Variants in DCDC1 observed in about 807,000 individuals in gnomAD.
The protein encoded by DCDC1 is doublecortin domain containing 1.
DCDC1 carries 200 observed loss-of-function variants against 178.3 expected under a neutral mutation model. That is an observed-to-expected ratio of 1.12 (90% CI 1.00 to 1.26). The LOEUF is 1.26. Among genes scored for constraint, DCDC1 ranks in the 50% most tolerant of loss-of-function variants. The pLI is 0.00. For synonymous variants in DCDC1, 690 were observed against 604.8 expected (o/e 1.14, Z -2.07); for missense variants, 1,983 against 1,749.2 (o/e 1.13, Z -2.38).
At chr11:31,200,948 A>G (rs556961099) in intron 9 of DCDC1, among the ~76,000 whole-genome samples, 12 of 149,030 alleles carry the variant, frequency 8.1e-5, no homozygotes, top group African/African-American at 2.8e-4. Context: ...TCTTAGGAGA[A>G]AAAAAAAAAC....
At chr11:31,214,511 G>C (rs557442097) in intron 9 of DCDC1, among the ~76,000 whole-genome samples, 45 of 152,182 alleles carry the variant, frequency 3.0e-4, no homozygotes, top group African/African-American at 9.2e-4. Flanking sequence ...AAAATCCTCA[G>C]TGTGGTAGGG....
chr11:31,166,946 A>T (rs1183191351), intron 9 of DCDC1, among the ~76,000 whole-genome samples: 1 of 152,016 alleles, frequency 6.6e-6, no homozygotes, highest in Admixed American at 6.6e-5. Flanking sequence ...AGAGACTTCA[A>T]CTCTGATATC....
At chr11:31,241,218 T>C (rs754257051) in intron 9 of DCDC1, among the ~76,000 whole-genome samples, 1 of 151,980 alleles carries the variant, frequency 6.6e-6, no homozygotes, top group Non-Finnish European at 1.5e-5. Context: ...CAGTATGCGC[T>C]GCAAGAAAAG....
intron 9 of DCDC1, among the ~76,000 whole-genome samples, chr11:31,140,381 T>C (rs554968179): frequency 4.6e-5 from 7 of 152,158 alleles, no homozygotes; most frequent in Non-Finnish European, 8.8e-5. Flanking sequence ...ATCAAGTCAC[T>C]TGGTTCTAAA....
rs1227576715 is a variant in DCDC1, at chr11:30,865,267, G to A, written c.*106C>T. 6.6e-6 allele frequency: 1 copy of A among 152,096 alleles called. No homozygotes were observed. Among genetic ancestry groups the A allele is most frequent in the Admixed American group, 6.6e-5 (1 of 15,256 alleles). 9.4% of individuals were successfully genotyped at this position (152,096 alleles called of 1,614,324 possible). On this transcript the variant is annotated 3_prime_UTR_variant, in exon 39 of 39. Coordinates refer to ENST00000684477, the MANE Select transcript of DCDC1 (RefSeq NM_001387274.1). Reference sequence around the variant, plus strand: ...ATTTGCCAAATTTAGAGTCTTCAGCGATGGAAATAATTGGCCTTCTTGTCA... The same window carrying A: ...ATTTGCCAAATTTAGAGTCTTCAGCAATGGAAATAATTGGCCTTCTTGTCA...
chr11:30,865,567 A>G (rs181006011), intron 38 of DCDC1, among the ~76,000 whole-genome samples: 8 of 152,280 alleles, frequency 5.3e-5, no homozygotes, highest in Non-Finnish European at 8.8e-5. Context: ...TAGCTCTGTG[A>G]TAAAATTTTA....
intron 11 of DCDC1, among the ~76,000 whole-genome samples, chr11:31,121,159 A>G (rs1960739654): frequency 6.6e-6 from 1 of 152,094 alleles, no homozygotes; most frequent in African/African-American, 2.4e-5. Flanking sequence ...GAAATTTTCA[A>G]CTTACAAGGT....
At chr11:31,195,008 G>C (rs1026233331) in intron 9 of DCDC1, among the ~76,000 whole-genome samples, 1 of 152,024 alleles carries the variant, frequency 6.6e-6, no homozygotes, top group Non-Finnish European at 1.5e-5. Flanking sequence ...TTACCATACT[G>C]TGCACTTTGA....
At chr11:30,892,497 A>G (rs1943874412) in intron 36 of DCDC1, among the ~76,000 whole-genome samples, 1 of 152,120 alleles carries the variant, frequency 6.6e-6, no homozygotes. Flanking sequence ...TGTAATAATA[A>G]TAAGATAAAA....
intron 1 of DCDC1, among the ~76,000 whole-genome samples, chr11:31,344,211 T>A (rs563603533): frequency 6.6e-6 from 1 of 152,340 alleles, no homozygotes; most frequent in East Asian, 1.9e-4. Flanking sequence ...GTGTTAATTT[T>A]AATTTGACTG....
intron 20 of DCDC1, among the ~76,000 whole-genome samples, chr11:31,011,638 A>G (rs1409279376): frequency 6.6e-6 from 1 of 152,214 alleles, no homozygotes; most frequent in Non-Finnish European, 1.5e-5. Flanking sequence ...ACGCTATAGT[A>G]GAACCACTTT....
rs35354864 is a variant in DCDC1, at chr11:30,973,273, CAAAAA to C, written c.2592-20710_2592-20706del. ...TGGGTGACAGAGTGAGACTCCATCTCAAAAAAAAAAAAAAAAATGTAGCATCTCCC... is the reference window on the plus strand; with the variant it reads ...TGGGTGACAGAGTGAGACTCCATCTCAAAAAAAAAAAATGTAGCATCTCCC... On this transcript the variant is annotated intron_variant, in intron 20 of 38. Coordinates refer to ENST00000684477, the MANE Select transcript of DCDC1 (RefSeq NM_001387274.1). 3.5e-5 allele frequency among the ~76,000 whole-genome samples: 4 copies of C among 113,806 alleles called. No individual in the cohort carries two copies. In the South Asian group the frequency reaches 9.4e-4, roughly 27 times the overall value. 74.7% of individuals were successfully genotyped at this position (113,806 alleles called of 152,430 possible).
chr11:31,025,673 G>T (rs1953180010), intron 20 of DCDC1, among the ~76,000 whole-genome samples: 1 of 151,930 alleles, frequency 6.6e-6, no homozygotes, highest in South Asian at 2.1e-4. Flanking sequence ...ACCTGCTTGA[G>T]TAAGTTGCTT....
intron 20 of DCDC1, among the ~76,000 whole-genome samples, chr11:31,010,428 G>T (rs1952103988): frequency 6.6e-6 from 1 of 152,226 alleles, no homozygotes; most frequent in Non-Finnish European, 1.5e-5. Flanking sequence ...CCTCTCCGCA[G>T]GCAGTTCACA....
intron 36 of DCDC1, among the ~76,000 whole-genome samples, chr11:30,886,402 C>T (rs1943173909): frequency 6.6e-6 from 1 of 152,102 alleles, no homozygotes; most frequent in Non-Finnish European, 1.5e-5. Context: ...CTTTGGTCTG[C>T]TCAGGCTGCC....
intron 7 of DCDC1, among the ~76,000 whole-genome samples, chr11:31,265,955 TGGTAGACCTTTAGAACTCTGAG>T (rs1945133616): frequency 6.7e-6 from 1 of 150,334 alleles, no homozygotes; most frequent in African/African-American, 2.4e-5. Context: ...ATTTAATAAA[TGGTAGACCTTTAGAACTCTGAG>T]GGATTTTTAT....
At chr11:30,880,170 A>G (rs781731712) in intron 37 of DCDC1, among the ~76,000 whole-genome samples, 1 of 152,154 alleles carries the variant, frequency 6.6e-6, no homozygotes, top group Non-Finnish European at 1.5e-5. Context: ...CTAAGTACCC[A>G]TGTAGTGAGG....
At chr11:30,984,877 G>T (rs1950563950) in intron 20 of DCDC1, among the ~76,000 whole-genome samples, 1 of 152,186 alleles carries the variant, frequency 6.6e-6, no homozygotes, top group Non-Finnish European at 1.5e-5. Context: ...TGGAGAAGGA[G>T]AAAACTGGGA....
intron 9 of DCDC1, among the ~76,000 whole-genome samples, chr11:31,173,092 C>T (rs1193317903): frequency 1.3e-5 from 2 of 152,216 alleles, no homozygotes; most frequent in Admixed American, 6.5e-5. Context: ...GATTATGTAT[C>T]AATGCCTGAA....
Sources: allele counts gnomAD v4.1 joint callset (sites outside exome capture counted in the v4.1 genomes callset), GRCh38; gene constraint gnomAD v4.1.1; transcripts MANE v1.5; gene names NCBI Gene and HGNC (gene_info 2026-07-23, HGNC 2026-07-21).